The following HTR1F variants were observed in gnomAD, a reference collection of about 807,000 sequenced individuals.
HTR1F encodes 5-hydroxytryptamine (serotonin) receptor 1F, G protein-coupled.
A neutral mutation model predicts 24.0 loss-of-function variants in HTR1F; 17 were observed. The ratio of observed to expected loss-of-function variants is 0.71; its 90% CI spans 0.48 to 1.06. The LOEUF (loss-of-function observed/expected upper bound fraction) is 1.06, where lower values mean the gene tolerates loss of function less well. Among genes scored for constraint, HTR1F ranks in the 50% least tolerant of loss-of-function variants. The probability of loss-of-function intolerance (pLI) is 0.00; values close to 1 mark genes in which losing one functional copy is unlikely to be tolerated. For synonymous variants in HTR1F, 186 were observed against 156.8 expected, an observed-to-expected ratio of 1.19 and a Z score of -1.39; for missense variants, 391 against 427.8, an observed-to-expected ratio of 0.91 and a Z score of 0.76.
chr3:87,907,038 CT>C (rs1703682203), intron 2 of HTR1F, among the ~76,000 whole-genome samples: 1 of 151,962 alleles, frequency 6.6e-6, no homozygotes, highest in African/African-American at 2.4e-5. Context: ...TTCTTTTCCC[CT>C]GGGTAGATAC....
intron 2 of HTR1F, among the ~76,000 whole-genome samples, chr3:87,901,130 T>C (rs1264681447): frequency 6.6e-6 from 1 of 152,204 alleles, no homozygotes; most frequent in Non-Finnish European, 1.5e-5. Context: ...AGTACAATTA[T>C]ACTGGCTCAA....
At chr3:87,933,239 C>A (rs1285102129) in intron 2 of HTR1F, among the ~76,000 whole-genome samples, 1 of 151,768 alleles carries the variant, frequency 6.6e-6, no homozygotes, top group Non-Finnish European at 1.5e-5. Flanking sequence ...AAACCCACAG[C>A]CAATATCATA....
At chr3:87,951,132 C>T (rs1704824138) in intron 2 of HTR1F, among the ~76,000 whole-genome samples, 2 of 152,072 alleles carry the variant, frequency 1.3e-5, no homozygotes. Context: ...TGTTTTACTC[C>T]CACTCCAATA....
At chr3:87,848,663 A>C (rs1705004756) in intron 2 of HTR1F, among the ~76,000 whole-genome samples, 1 of 151,826 alleles carries the variant, frequency 6.6e-6, no homozygotes, top group Non-Finnish European at 1.5e-5. Context: ...GAGGAAGTCA[A>C]ATTGTCCCTG....
At chr3:87,816,629 C>A (rs565952510) in intron 1 of HTR1F, among the ~76,000 whole-genome samples, 19 of 152,102 alleles carry the variant, frequency 1.2e-4, no homozygotes, top group Admixed American at 7.9e-4. Flanking sequence ...TGGGATTTTA[C>A]AGCTCTTATT....
chr3:87,819,639 G>T (rs774498881), intron 1 of HTR1F, among the ~76,000 whole-genome samples: 2 of 151,868 alleles, frequency 1.3e-5, no homozygotes, highest in Non-Finnish European at 2.9e-5. Context: ...GTTGTATAAA[G>T]AATTGAAATT....
At chr3:87,973,684 T>A (rs56112330) in intron 2 of HTR1F, among the ~76,000 whole-genome samples, 35,421 of 151,876 alleles carry the variant, frequency 0.23, 4,561 homozygotes, top group Non-Finnish European at 0.3. Flanking sequence ...AAAATAAAAA[T>A]AAAAATTACT....
Position 87,797,008 on chromosome 3 carries a change from C to A in HTR1F, c.-160+4166C>A, listed in dbSNP as rs1703916352. Among the ~76,000 whole-genome samples the A allele has an allele frequency of 2.0e-5, 3 of 152,214 alleles. No homozygotes were observed. In the South Asian group the frequency reaches 6.2e-4, roughly 31 times the overall value. ...ATAGTAGTCCCTCCTTATTCAGTTTCACTTTCCCTAGTTTCAGTTACCGGC... is the reference window on the plus strand; with the variant it reads ...ATAGTAGTCCCTCCTTATTCAGTTTAACTTTCCCTAGTTTCAGTTACCGGC... On this transcript the variant is annotated intron_variant, in intron 1 of 2. Coordinates refer to ENST00000319595, the MANE Select transcript of HTR1F (RefSeq NM_001322209.2).
chr3:87,902,595 T>A (rs1312135085), intron 2 of HTR1F, among the ~76,000 whole-genome samples: 3 of 152,022 alleles, frequency 2.0e-5, no homozygotes, highest in Non-Finnish European at 4.4e-5. Context: ...TTGTTTCTTT[T>A]TTTTATTTTA....
intron 2 of HTR1F, among the ~76,000 whole-genome samples, chr3:87,893,782 A>G (rs751775173): frequency 1.3e-5 from 2 of 152,220 alleles, no homozygotes; most frequent in Non-Finnish European, 2.9e-5. Flanking sequence ...TAAGAAGACA[A>G]AGCAAATATC....
chr3:87,905,025 A>C (rs2107335066), intron 2 of HTR1F, among the ~76,000 whole-genome samples: 1 of 152,172 alleles, frequency 6.6e-6, no homozygotes, highest in African/African-American at 2.4e-5. Flanking sequence ...GTATTTGTCC[A>C]GGACTGGTAT....
At position 87,991,364 on chromosome 3, in the gene HTR1F, T is replaced by G. The variant is rs1313268333; in HGVS notation, c.615T>G (p.Tyr205Ter). The change falls in exon 3 of 3, where the codon TAT (tyrosine) becomes TAG (stop). Residue 205 changes from tyrosine (Y) to a stop codon, truncating the protein, a stop_gained. Coordinates refer to ENST00000319595, the MANE Select transcript of HTR1F (RefSeq NM_001322209.2). LOFTEE classifies it high-confidence loss of function. ...TTTTGATCCTTTACTACAAAATATATAGAGCAGCAAAGACATTATACCACA... is the reference window on the plus strand; with the variant it reads ...TTTTGATCCTTTACTACAAAATATAGAGAGCAGCAAAGACATTATACCACA... ...ALILILYYKIYRAAKTLYHKR... is the reference protein window; with the variant it reads ...ALILILYYKI The G allele has an allele frequency of 1.2e-6, 2 of 1,613,768 alleles. No individual in the cohort carries two copies. Among genetic ancestry groups the G allele is most frequent in the Non-Finnish European group, 1.7e-6 (2 of 1,179,998 alleles).
chr3:87,864,651 T>C (rs1705384286), intron 2 of HTR1F, among the ~76,000 whole-genome samples: 1 of 151,894 alleles, frequency 6.6e-6, no homozygotes, highest in African/African-American at 2.4e-5. Context: ...ATCCCAGCAA[T>C]TTGGGAGGCC....
intron 2 of HTR1F, among the ~76,000 whole-genome samples, chr3:87,907,041 G>T (rs1342612729): frequency 6.6e-6 from 1 of 151,854 alleles, no homozygotes; most frequent in Non-Finnish European, 1.5e-5. Flanking sequence ...TTTTCCCCTG[G>T]GTAGATACCT....
At chr3:87,966,068 A>G (rs181142161) in intron 2 of HTR1F, among the ~76,000 whole-genome samples, 116 of 152,318 alleles carry the variant, frequency 7.6e-4, no homozygotes, top group African/African-American at 2.6e-3. Context: ...TATAAACAAC[A>G]GAAATCTATT....
intron 2 of HTR1F, among the ~76,000 whole-genome samples, chr3:87,900,636 T>C (rs1296207480): frequency 3.9e-5 from 6 of 152,122 alleles, no homozygotes. Context: ...TGAGAGATTC[T>C]AGAGGTGGCA....
chr3:87,984,620 A>G (rs536467130), intron 2 of HTR1F, among the ~76,000 whole-genome samples: 2 of 151,854 alleles, frequency 1.3e-5, no homozygotes, highest in East Asian at 3.9e-4. Flanking sequence ...GTGCCACCAC[A>G]CCCAGCTAAT....
intron 2 of HTR1F, among the ~76,000 whole-genome samples, chr3:87,840,933 A>G (rs1261774201): frequency 6.6e-6 from 1 of 151,898 alleles, no homozygotes; most frequent in Non-Finnish European, 1.5e-5. Flanking sequence ...CTCTGAAGAG[A>G]GTGTGGACGG....
intron 2 of HTR1F, among the ~76,000 whole-genome samples, chr3:87,879,410 C>G (rs1418973020): frequency 6.6e-6 from 1 of 151,996 alleles, no homozygotes; most frequent in East Asian, 1.9e-4. Flanking sequence ...GGTTATTAAC[C>G]CATTACCCTC....
Sources: gnomAD v4.1 joint callset for allele counts (sites outside exome capture counted in the v4.1 genomes callset) on GRCh38, gnomAD v4.1.1 for gene constraint, MANE v1.5 for transcripts, NCBI Gene and HGNC (gene_info 2026-07-23, HGNC 2026-07-21) for gene names.